ZNF257: variants seen among roughly 807,000 people sequenced by gnomAD.
ZNF257 encodes the protein zinc finger protein 257, also known as bone marrow zinc finger 4.
In ZNF257, 12 loss-of-function variants were observed where a neutral mutation model predicts 11.9. The observed-to-expected ratio is 1.01, with a 90% CI of 0.65 to 1.63. The LOEUF (loss-of-function observed/expected upper bound fraction) is 1.63. Ranked by LOEUF, ZNF257 falls within the 40% of genes most tolerant of loss-of-function variation. The probability of loss-of-function intolerance (pLI) is 0.00; values close to 1 mark genes in which losing one functional copy is unlikely to be tolerated. For synonymous variants in ZNF257, 183 were observed against 222.7 expected (o/e 0.82, Z 1.59); for missense variants, 580 against 665.5 (o/e 0.87, Z 1.41).
chr19:22,084,204 G>A lies in ZNF257; in HGVS notation c.227-3773G>A, dbSNP rs181789522. On this transcript the variant is annotated intron_variant, in intron 3 of 3. Coordinates refer to ENST00000594947, the MANE Select transcript of ZNF257 (RefSeq NM_033468.4). ...TTTTACATTTCAAATTATATCTATT[G>A]AATAATTTGGTGACAGAAATTAGCA... 5.4e-4 allele frequency among the ~76,000 whole-genome samples: 81 copies of A among 150,988 alleles called. 1 individual carries two copies. Among genetic ancestry groups the A allele is most frequent in the African/African-American group, 1.9e-3 (78 of 41,154 alleles).
chr19:22,068,245 C>A (rs2022013330), intron 1 of ZNF257, among the ~76,000 whole-genome samples: 1 of 149,198 alleles, frequency 6.7e-6, no homozygotes, highest in African/African-American at 2.5e-5. Context: ...ATCTTTGCTC[C>A]CAGGTTACAG....
In ZNF257 at chr19:22,072,932, C is replaced by G. The variant is rs1380257689; in HGVS notation, c.127C>G (p.Leu43Val). The G allele has an allele frequency of 1.1e-5, 17 of 1,611,098 alleles. No individual in the cohort carries two copies. The highest frequency in any genetic ancestry group is 1.4e-5 in the Non-Finnish European group (17 of 1,178,768). The change falls in exon 2 of 4, where the codon CTG becomes GTG. Residue 43 changes from leucine (L) to valine (V), a missense_variant. Physicochemically the swap from Leu to Val is conservative, Grantham distance 32. Coordinates refer to ENST00000594947, the MANE Select transcript of ZNF257 (RefSeq NM_033468.4). ...AGAGAACTACAGAAACCTGGTCTTCCTGGGTGAGGATAACTTCAGTACTCA... is the reference window on the plus strand; with the variant it reads ...AGAGAACTACAGAAACCTGGTCTTCGTGGGTGAGGATAACTTCAGTACTCA... ...MLENYRNLVF[L>V]GIAVSKPDLI... is the part of the protein sequence containing the mutation.
rs2022548391 is a variant in ZNF257 at position 22,088,784 on chromosome 19, A to G, written c.1034A>G (p.Gln345Arg). Residue 345 changes from glutamine to arginine, a missense_variant, in exon 4 of 4, where the codon CAA (glutamine) becomes CGA (arginine). Transcript: ENST00000594947. ...KMIHTGEKPFQCEECGKAFNR... is the reference protein window; with the variant it reads ...KMIHTGEKPFRCEECGKAFNR... ...ATTCATACTGGAGAGAAACCCTTCC[A>G]ATGTGAAGAGTGTGGCAAAGCTTTT... 1 of 1,612,938 alleles carries G rather than the reference A, an allele frequency of 6.2e-7. No individual in the cohort carries two copies.
chr19:22,062,684 G>A (rs765056220), intron 1 of ZNF257, among the ~76,000 whole-genome samples: 8 of 151,902 alleles, frequency 5.3e-5, no homozygotes, highest in Non-Finnish European at 1.0e-4. Context: ...GTTTCTCCAT[G>A]TTGGTCAGGC....
intron 1 of ZNF257, among the ~76,000 whole-genome samples, chr19:22,066,571 G>C (rs147853874): frequency 6.6e-6 from 1 of 152,176 alleles, no homozygotes; most frequent in Non-Finnish European, 1.5e-5. Flanking sequence ...TCAGGGAGTA[G>C]AGAGCCATTA....
Position 22,089,346 on chromosome 19 carries a change from A to C in ZNF257, c.1596A>C (p.Val532=), listed in dbSNP as rs748148710. The C allele has an allele frequency of 6.2e-7, 1 of 1,613,632 alleles. No individual in the cohort carries two copies. The highest frequency in any genetic ancestry group is 1.1e-5 in the South Asian group (1 of 91,046). ...KPFNRFSYLT[V]HKRIHAGENP... ...TTAATCGTTTCTCATACCTTACCGT[A>C]CATAAGAGAATTCATGCTGGAGAGA... The change falls in exon 4 of 4, where the codon GTA becomes GTC. Residue 532 remains valine (V), a synonymous_variant. Transcript: ENST00000594947.
In ZNF257 at chr19:22,077,021, C is replaced by T. The variant is rs536244909; in HGVS notation, c.226+3457C>T. On this transcript the variant is annotated intron_variant, in intron 3 of 3. Coordinates refer to ENST00000594947, the MANE Select transcript of ZNF257 (RefSeq NM_033468.4). ...ACCATCTTTAATCTGTTTAAGTGTACATTTCAGGCCTAGGCATGGTGGTGG... is the reference window on the plus strand; with the variant it reads ...ACCATCTTTAATCTGTTTAAGTGTATATTTCAGGCCTAGGCATGGTGGTGG... Among the ~76,000 whole-genome samples the T allele has an allele frequency of 2.2e-3, 330 of 152,214 alleles. 2 individuals carry two copies. The highest frequency in any genetic ancestry group is 3.4e-3 in the Middle Eastern group (1 of 294).
intron 3 of ZNF257, among the ~76,000 whole-genome samples, chr19:22,074,004 A>T (rs1218732564): frequency 6.6e-6 from 1 of 152,032 alleles, no homozygotes; most frequent in African/African-American, 2.4e-5. Context: ...TGCACATTTC[A>T]TCCTTTTTCT....
At chr19:22,087,390 AT>A in intron 3 of ZNF257, 1 of 398,026 alleles carries the variant, frequency 2.5e-6, no homozygotes, top group Non-Finnish European at 4.4e-6. Flanking sequence ...TAAAAAGTTT[AT>A]TTGCACTTCT....
Position 22,052,521 on chromosome 19 carries a change from T to A in ZNF257, c.-112T>A. The A allele has an allele frequency of 7.5e-7, 1 of 1,339,134 alleles. No homozygotes were observed. Among genetic ancestry groups the A allele is most frequent in the Non-Finnish European group, 1.1e-6 (1 of 950,308 alleles). The allele number at this position is 1,339,134 out of a possible 1,614,324, so 83.0% of individuals were successfully genotyped here. On this transcript the variant is annotated 5_prime_UTR_variant, in exon 1 of 4. Coordinates refer to ENST00000594947, the MANE Select transcript of ZNF257 (RefSeq NM_033468.4). ...GCTCTAGCCCGAGCTGCAGGTCTCG[T>A]CTTCCCTGGTCTGTGTCCTCTTCTC...
At position 22,088,586 on chromosome 19, in the gene ZNF257, A is replaced by T. The variant is rs752737271; in HGVS notation, c.836A>T (p.His279Leu). The change falls in exon 4 of 4, where the codon CAT (histidine) becomes CTT (leucine). Residue 279 changes from histidine (H) to leucine (L), a missense_variant. Physicochemically the swap from His to Leu is moderately conservative, Grantham distance 99 (BLOSUM62 -3). Transcript: ENST00000594947. ...CACATTACTCAACATAAGAGAATTC[A>T]TAATAGAGAGAAGCCCTTCAAATAT... ...SSHITQHKRI[H>L]NREKPFKYDE... The T allele has an allele frequency of 1.1e-5, 18 of 1,613,486 alleles. No homozygotes were observed. The highest frequency in any genetic ancestry group is 7.7e-5 in the South Asian group (7 of 91,060).
At chr19:22,054,505 A>G (rs2021573515) in intron 1 of ZNF257, among the ~76,000 whole-genome samples, 1 of 152,236 alleles carries the variant, frequency 6.6e-6, no homozygotes, top group Admixed American at 6.5e-5. Flanking sequence ...TTCTTCTGAC[A>G]TTCCCAAATG....
Position 22,052,578 on chromosome 19 carries a change from T to C in ZNF257, c.-55T>C. 4 of 1,596,578 alleles carry C rather than the reference T, an allele frequency of 2.5e-6. No homozygotes were observed. The highest frequency in any genetic ancestry group is 2.6e-6 in the Non-Finnish European group (3 of 1,168,858). On this transcript the variant is annotated 5_prime_UTR_variant, in exon 1 of 4. Transcript: ENST00000594947. The stretch of plus-strand genomic sequence containing the variant: ...GCCCAGCCTCTGTGGCCCTGTGACC[T>C]GCAGGTATTGGGAGATCCCCAGCTA...
chr19:22,088,400 C>T lies in ZNF257; in HGVS notation c.650C>T (p.Thr217Ile), dbSNP rs199774213. 3.6e-4 allele frequency: 588 copies of T among 1,613,816 alleles called. 2 individuals are homozygous for T. The highest frequency in any genetic ancestry group is 1.7e-3 in the South Asian group (157 of 91,074). ...GKAFNQSSAL[T>I]RHKMTHTGEK... is the part of the protein sequence containing the mutation. ...GCCTTTAACCAGTCCTCAGCTCTTA[C>T]TCGACATAAGATGACTCATACTGGA... Residue 217 changes from threonine (T) to isoleucine (I), a missense_variant, in exon 4 of 4, where the codon ACT (threonine) becomes ATT (isoleucine). Thr to Ile is a moderately conservative substitution (Grantham distance 89). Transcript: ENST00000594947.
intron 3 of ZNF257, among the ~76,000 whole-genome samples, chr19:22,077,145 C>T (rs1390607684): frequency 6.6e-6 from 1 of 152,080 alleles, no homozygotes; most frequent in Non-Finnish European, 1.5e-5. Flanking sequence ...AAGTCCCCCT[C>T]TCTCCACACA....
At chr19:22,077,484 T>C (rs375963149) in intron 3 of ZNF257, among the ~76,000 whole-genome samples, 3 of 152,164 alleles carry the variant, frequency 2.0e-5, no homozygotes, top group East Asian at 1.9e-4. Flanking sequence ...CTCTTTGTGT[T>C]TTTATGAGTG....
intron 1 of ZNF257, among the ~76,000 whole-genome samples, chr19:22,067,334 C>T (rs7247228): frequency 0.24 from 35,970 of 151,976 alleles, 5,818 homozygotes; most frequent in African/African-American, 0.46. Flanking sequence ...TGAATAGACA[C>T]GTAGACATGA....
chr19:22,072,430 ATAT>A (rs1212693439), intron 1 of ZNF257, among the ~76,000 whole-genome samples: 1 of 152,092 alleles, frequency 6.6e-6, no homozygotes, highest in African/African-American at 2.4e-5. Flanking sequence ...GTTTGACAAA[ATAT>A]TCTTCTTGGG....
At chr19:22,053,140 G>C (rs1018820503) in intron 1 of ZNF257, among the ~76,000 whole-genome samples, 1 of 152,148 alleles carries the variant, frequency 6.6e-6, no homozygotes, top group African/African-American at 2.4e-5. Context: ...GGAGGCCGAG[G>C]CAGGCGGATC....
Sources: allele counts gnomAD v4.1 joint callset (sites outside exome capture counted in the v4.1 genomes callset), GRCh38; gene constraint gnomAD v4.1.1; transcripts MANE v1.5; gene names NCBI Gene and HGNC (gene_info 2026-07-23, HGNC 2026-07-21).